Variants in GRIN2B observed in about 807,000 individuals in gnomAD.
The protein encoded by GRIN2B is glutamate ionotropic receptor NMDA type subunit 2B, also known as glutamate receptor ionotropic, NMDA 2B.
A neutral mutation model predicts 114.5 loss-of-function variants in GRIN2B; 5 were observed. The ratio of observed to expected loss-of-function variants is 0.04; its 90% CI spans 0.02 to 0.09. The LOEUF (loss-of-function observed/expected upper bound fraction) is 0.09. Among genes scored for constraint, GRIN2B ranks in the 10% least tolerant of loss-of-function variants. The pLI is 1.00. For synonymous variants in GRIN2B, 787 were observed against 745.1 expected (o/e 1.06, Z -0.92); for missense variants, 1,108 against 1,943.5 (o/e 0.57, Z 8.08).
At chr12:13,613,643 A>C (rs4764019) in intron 8 of GRIN2B, among the ~76,000 whole-genome samples, 115,435 of 152,030 alleles carry the variant, frequency 0.76, 44,891 homozygotes, top group East Asian at 0.99. Flanking sequence ...TTTTAATCCT[A>C]GAGCTGCCAG....
intron 5 of GRIN2B, among the ~76,000 whole-genome samples, chr12:13,618,074 G>A (rs1225037262): frequency 6.6e-6 from 1 of 152,212 alleles, no homozygotes; most frequent in Non-Finnish European, 1.5e-5. Context: ...CCAAACGTTT[G>A]CTTTCCTTCA....
At chr12:13,790,763 G>A (rs933801083) in intron 3 of GRIN2B, among the ~76,000 whole-genome samples, 7 of 152,196 alleles carry the variant, frequency 4.6e-5, no homozygotes, top group Non-Finnish European at 1.0e-4. Flanking sequence ...GCCCACTCTT[G>A]TTGATGAAGC....
At chr12:13,806,679 C>T (rs1361855738) in intron 3 of GRIN2B, among the ~76,000 whole-genome samples, 1 of 152,054 alleles carries the variant, frequency 6.6e-6, no homozygotes, top group Non-Finnish European at 1.5e-5. Flanking sequence ...TGTCTCTTCA[C>T]TCTGTTGCTT....
chr12:13,830,210 T>C (rs553319282), intron 3 of GRIN2B, among the ~76,000 whole-genome samples: 1 of 152,354 alleles, frequency 6.6e-6, no homozygotes, highest in African/African-American at 2.4e-5. Context: ...GCACAGTTAG[T>C]AAACTCATAC....
At chr12:13,886,649 G>T (rs1227792306) in intron 2 of GRIN2B, among the ~76,000 whole-genome samples, 2 of 152,134 alleles carry the variant, frequency 1.3e-5, no homozygotes, top group African/African-American at 4.8e-5. Flanking sequence ...GAGACAAGGA[G>T]AGCAGCTGCC....
chr12:13,829,092 G>A (rs929827396), intron 3 of GRIN2B, among the ~76,000 whole-genome samples: 7 of 152,122 alleles, frequency 4.6e-5, no homozygotes, highest in African/African-American at 1.7e-4. Flanking sequence ...CCATCACATA[G>A]GGGGCATCCT....
rs371942723 is a variant in GRIN2B at position 13,538,439 on chromosome 12, T to C, written c.*24344A>G. On this transcript the variant is annotated 3_prime_UTR_variant, in exon 14 of 14. Coordinates refer to ENST00000609686, the MANE Select transcript of GRIN2B (RefSeq NM_000834.5). Reference sequence around the variant, plus strand: ...AGTCTTTGTTTTATTGAAGGTGTTGTGATCATGATCAAAGCTTTCATGATA... The same window carrying C: ...AGTCTTTGTTTTATTGAAGGTGTTGCGATCATGATCAAAGCTTTCATGATA... The C allele has an allele frequency of 6.6e-6, 1 of 152,208 alleles. No individual in the cohort carries two copies. The highest frequency in any genetic ancestry group is 2.4e-5 in the African/African-American group (1 of 41,444). The allele number at this position is 152,208 out of a possible 1,614,324, so 9.4% of individuals were successfully genotyped here.
chr12:13,804,809 C>T (rs1003579605), intron 3 of GRIN2B, among the ~76,000 whole-genome samples: 2 of 152,114 alleles, frequency 1.3e-5, no homozygotes, highest in African/African-American at 2.4e-5. Flanking sequence ...CCATAATAGG[C>T]ACTTACTAAG....
In GRIN2B at chr12:13,615,019, C is replaced by T; in HGVS notation, c.1654+95G>A. The T allele has an allele frequency of 1.7e-6, 2 of 1,164,000 alleles. No individual in the cohort carries two copies. Among genetic ancestry groups the T allele is most frequent in the South Asian group, 1.2e-5 (1 of 81,462 alleles). 72.1% of individuals were successfully genotyped at this position (1,164,000 alleles called of 1,614,324 possible). On this transcript the variant is annotated intron_variant, in intron 8 of 13. Transcript: ENST00000609686. The surrounding 1 kb of genome is among the most constrained non-coding windows in gnomAD (Gnocchi z 5.8). ...AGTTGAGCTCCTAGCAAACCACCTT[C>T]TAGCTGGAACAGCCTGGCCATGTGC...
intron 10 of GRIN2B, among the ~76,000 whole-genome samples, chr12:13,594,747 C>G (rs1480845453): frequency 6.6e-6 from 1 of 151,256 alleles, no homozygotes; most frequent in Non-Finnish European, 1.5e-5. Context: ...GGCTGCTTGT[C>G]TAGGCCATCT....
At position 13,546,860 on chromosome 12, in the gene GRIN2B, T is replaced by A. The variant is rs1948350189; in HGVS notation, c.*15923A>T. ...AGAAAAGCCACAAAATACCTCCACA[T>A]ACACAACAGGCATCTTGACCAGAGC... On this transcript the variant is annotated 3_prime_UTR_variant, in exon 14 of 14. Coordinates refer to ENST00000609686, the MANE Select transcript of GRIN2B (RefSeq NM_000834.5). 6.6e-6 allele frequency: 1 copy of A among 152,134 alleles called. No homozygotes were observed. Among genetic ancestry groups the A allele is most frequent in the South Asian group, 2.1e-4 (1 of 4,826 alleles). 9.4% of individuals were successfully genotyped at this position (152,134 alleles called of 1,614,324 possible).
intron 5 of GRIN2B, among the ~76,000 whole-genome samples, chr12:13,637,706 A>T (rs1187260630): frequency 6.6e-6 from 1 of 152,202 alleles, no homozygotes; most frequent in Non-Finnish European, 1.5e-5. Context: ...TGATGAAAAG[A>T]TTTACTAGTT....
At chr12:13,768,195 T>C (rs984341550) in intron 3 of GRIN2B, among the ~76,000 whole-genome samples, 6 of 152,246 alleles carry the variant, frequency 3.9e-5, no homozygotes, top group African/African-American at 1.4e-4. Flanking sequence ...CTACCTGCCC[T>C]GGTTCACAGC....
chr12:13,703,131 CA>C (rs1241693615), intron 4 of GRIN2B, among the ~76,000 whole-genome samples: 1 of 152,128 alleles, frequency 6.6e-6, no homozygotes, highest in Non-Finnish European at 1.5e-5. Context: ...TTTATTACCT[CA>C]AATAAATTTC....
At chr12:13,749,162 T>A (rs1340764065) in intron 4 of GRIN2B, among the ~76,000 whole-genome samples, 1 of 152,216 alleles carries the variant, frequency 6.6e-6, no homozygotes, top group African/African-American at 2.4e-5. Context: ...CTGAGAAGGA[T>A]TTTATGCCAT....
intron 2 of GRIN2B, among the ~76,000 whole-genome samples, chr12:13,933,009 G>T (rs1236883128): frequency 6.6e-6 from 1 of 151,818 alleles, no homozygotes; most frequent in Non-Finnish European, 1.5e-5. Context: ...GTGTGTGTTT[G>T]TGTGAATGGC....
rs1333035872 is a variant in GRIN2B at position 13,843,435 on chromosome 12, T to G, written c.411+22363A>C. On this transcript the variant is annotated intron_variant, in intron 3 of 13. Transcript: ENST00000609686. ...TAATATTTTCACAAAATTTCATAAT[T>G]TTTCCATGAGGCCAAATCAGAAGCT... is the stretch of plus-strand genomic sequence containing the variant. 2.6e-5 allele frequency among the ~76,000 whole-genome samples: 4 copies of G among 152,284 alleles called. 1 individual carries two copies. The highest frequency in any genetic ancestry group is 9.6e-5 in the African/African-American group (4 of 41,564).
intron 3 of GRIN2B, among the ~76,000 whole-genome samples, chr12:13,831,606 T>G (rs1451336927): frequency 2.0e-5 from 3 of 152,074 alleles, no homozygotes; most frequent in Admixed American, 2.0e-4. Flanking sequence ...AGGGAACACG[T>G]TAGGAATAGG....
intron 5 of GRIN2B, 28 bp from the exon 6 acceptor site, chr12:13,616,685 A>G (rs1295243197): frequency 2.6e-6 from 4 of 1,550,000 alleles, no homozygotes; most frequent in Non-Finnish European, 3.6e-6. Context: ...CAAGAATCAG[A>G]AACCACTGGC....
Sources: gnomAD v4.1 joint callset for allele counts (sites outside exome capture counted in the v4.1 genomes callset) on GRCh38, gnomAD v4.1.1 for gene constraint, Gnocchi (gnomAD v3.1) non-coding constraint, MANE v1.5 for transcripts, NCBI Gene and HGNC (gene_info 2026-07-23, HGNC 2026-07-21) for gene names.